The following PLXNA4 variants were observed in gnomAD, a reference collection of about 807,000 sequenced individuals.
PLXNA4 encodes plexin A4, also known as plexin-A4.
A neutral mutation model predicts 191.8 loss-of-function variants in PLXNA4; 44 were observed. The ratio of observed to expected loss-of-function variants is 0.23; its 90% CI spans 0.18 to 0.29. The LOEUF is 0.29. Among genes scored for constraint, PLXNA4 ranks in the 10% least tolerant of loss-of-function variants. PLXNA4 has a pLI of 1.00. For synonymous variants in PLXNA4, 1,082 were observed against 1,009.5 expected, an observed-to-expected ratio of 1.07 and a Z score of -1.36; for missense variants, 1,800 against 2,488.8, an observed-to-expected ratio of 0.72 and a Z score of 5.89.
chr7:132,285,650 C>T (rs1254164210), intron 4 of PLXNA4, among the ~76,000 whole-genome samples: 1 of 152,210 alleles, frequency 6.6e-6, no homozygotes, highest in East Asian at 1.9e-4. Flanking sequence ...TTAATGCTAA[C>T]TAGTCATCGT....
chr7:132,360,575 A>T (rs1803893881), intron 3 of PLXNA4, among the ~76,000 whole-genome samples: 1 of 152,206 alleles, frequency 6.6e-6, no homozygotes, highest in South Asian at 2.1e-4. Context: ...TACTCATGAC[A>T]GGTCTTGCAG....
At chr7:132,518,029 T>C (rs1352646192) in intron 1 of PLXNA4, among the ~76,000 whole-genome samples, 1 of 152,196 alleles carries the variant, frequency 6.6e-6, no homozygotes, top group Non-Finnish European at 1.5e-5. Context: ...TTTCTAGAAG[T>C]GGGAGCCATG....
chr7:132,510,204 C>T (rs1160495025), intron 1 of PLXNA4, among the ~76,000 whole-genome samples: 4 of 152,132 alleles, frequency 2.6e-5, no homozygotes, highest in African/African-American at 9.7e-5. Context: ...TCATTCACCC[C>T]CAAACACCTC....
intron 2 of PLXNA4, among the ~76,000 whole-genome samples, chr7:132,617,722 G>A (rs1330375295): frequency 6.6e-6 from 1 of 152,046 alleles, no homozygotes; most frequent in Non-Finnish European, 1.5e-5. Context: ...TTACACTGTG[G>A]GATCCCAAGT....
At chr7:132,275,607 G>GT (rs1800245373) in intron 4 of PLXNA4, among the ~76,000 whole-genome samples, 3 of 152,156 alleles carry the variant, frequency 2.0e-5, no homozygotes, top group Admixed American at 1.3e-4. Flanking sequence ...TACTGTTGCT[G>GT]TTTTATCACA....
intron 9 of PLXNA4, among the ~76,000 whole-genome samples, chr7:132,219,473 T>C (rs1208431690): frequency 6.6e-6 from 1 of 152,204 alleles, no homozygotes. Context: ...TCCATAGATC[T>C]TCTTCACCTT....
chr7:132,124,397 C>T lies in PLXNA4; in HGVS notation c.*6082G>A, dbSNP rs2116461182. The T allele has an allele frequency of 6.6e-6, 1 of 152,316 alleles. No individual in the cohort carries two copies. The highest frequency in any genetic ancestry group is 2.1e-4 in the South Asian group (1 of 4,814). 9.4% of individuals were successfully genotyped at this position (152,316 alleles called of 1,614,324 possible). A position where few individuals can be genotyped will look rare whatever the true frequency, so the allele number is the denominator to read the frequency against. On this transcript the variant is annotated 3_prime_UTR_variant, in exon 32 of 32. Coordinates refer to ENST00000321063, the MANE Select transcript of PLXNA4 (RefSeq NM_020911.2). ...CTGTGCACGAAAGTGTTCCTTAGTC[C>T]TGTTTGGTGAAGTGGTCTCGGTTTC... is the stretch of plus-strand genomic sequence containing the variant.
Position 132,146,594 on chromosome 7 carries a change from G to A in PLXNA4, c.4971C>T (p.Asn1657=), listed in dbSNP as rs1795441236. 2 of 1,614,158 alleles carry A rather than the reference G, an allele frequency of 1.2e-6. No homozygotes were observed. Among genetic ancestry groups the A allele is most frequent in the South Asian group, 1.1e-5 (1 of 91,080 alleles). ...CCTCCTTCTGGTCTCCGTGCTCGTGGTTCTTCACTAGGTGCCACATCTTGA... is the reference window on the plus strand; with the variant it reads ...CCTCCTTCTGGTCTCCGTGCTCGTGATTCTTCACTAGGTGCCACATCTTGA... ...SGVKMWHLVK[N]HEHGDQKEGD... Residue 1657 remains asparagine, a synonymous_variant, in exon 28 of 32, where the codon AAC becomes AAT. Transcript: ENST00000321063.
chr7:132,468,522 A>G (rs1208582474), intron 3 of PLXNA4, among the ~76,000 whole-genome samples: 1 of 152,232 alleles, frequency 6.6e-6, no homozygotes, highest in Admixed American at 6.5e-5. Context: ...AAAAACTAGA[A>G]CAGGCAGTCG....
chr7:132,604,624 G>T (rs1008340704), intron 2 of PLXNA4, among the ~76,000 whole-genome samples: 1 of 152,022 alleles, frequency 6.6e-6, no homozygotes, highest in Non-Finnish European at 1.5e-5. Context: ...AGGTTCTCCT[G>T]CCCCACCCCA....
At chr7:132,562,282 T>G (rs868539910) in intron 1 of PLXNA4, among the ~76,000 whole-genome samples, 9 of 128,478 alleles carry the variant, frequency 7.0e-5, no homozygotes, top group Admixed American at 1.5e-4. Context: ...CTCCTTCTCC[T>G]CCTCCTCCTT....
At chr7:132,611,920 T>C (rs957139806) in intron 2 of PLXNA4, among the ~76,000 whole-genome samples, 1 of 152,030 alleles carries the variant, frequency 6.6e-6, no homozygotes, top group Non-Finnish European at 1.5e-5. Flanking sequence ...AGGGGCTCCA[T>C]GAAATCACTG....
chr7:132,257,259 T>C (rs1399249791), intron 4 of PLXNA4, among the ~76,000 whole-genome samples: 1 of 152,214 alleles, frequency 6.6e-6, no homozygotes, highest in African/African-American at 2.4e-5. Flanking sequence ...CCAAACATCA[T>C]GGACAATGAT....
chr7:132,562,398 G>A (rs1226426678), intron 1 of PLXNA4, among the ~76,000 whole-genome samples: 1 of 61,758 alleles, frequency 1.6e-5, no homozygotes, highest in Non-Finnish European at 2.9e-5. Flanking sequence ...TCCTTCTGCT[G>A]CTCCTCCTCC....
chr7:132,464,283 GA>G lies in PLXNA4; in HGVS notation c.1371+25008del, dbSNP rs1796620426. On this transcript the variant is annotated intron_variant, in intron 3 of 31. Coordinates refer to ENST00000321063, the MANE Select transcript of PLXNA4 (RefSeq NM_020911.2). ...GGGAGATTCAGGAGGGAGCTGCAGA[GA>G]ACCTGCTAGAAATTAAGAGTCTGCC... Among the ~76,000 whole-genome samples, 3 of 152,196 alleles carry G rather than the reference GA, an allele frequency of 2.0e-5. No homozygotes were observed. The South Asian group carries it at 6.2e-4, about 32-fold the overall frequency.
At chr7:132,647,722 TCA>T (rs914129508) in intron 1 of PLXNA4, among the ~76,000 whole-genome samples, 1 of 150,210 alleles carries the variant, frequency 6.7e-6, no homozygotes, top group Non-Finnish European at 1.5e-5. Context: ...CACAATATAC[TCA>T]CATACATTCA....
intron 1 of PLXNA4, among the ~76,000 whole-genome samples, chr7:132,534,004 T>G (rs1799731809): frequency 6.6e-6 from 1 of 152,060 alleles, no homozygotes; most frequent in African/African-American, 2.4e-5. Context: ...TCAAAGACAT[T>G]CCTTGGTGGC....
At chr7:132,619,104 G>A (rs1021657330) in intron 2 of PLXNA4, among the ~76,000 whole-genome samples, 1 of 152,332 alleles carries the variant, frequency 6.6e-6, no homozygotes, top group Non-Finnish European at 1.5e-5. Flanking sequence ...TGTCAGCGAA[G>A]TGTAAATCCC....
At chr7:132,332,060 A>T (rs188016063) in intron 3 of PLXNA4, among the ~76,000 whole-genome samples, 34 of 152,300 alleles carry the variant, frequency 2.2e-4, no homozygotes, top group Non-Finnish European at 1.0e-4. Context: ...CTCCCTTCAA[A>T]CACTCACATT....
Sources: gnomAD v4.1 joint callset for allele counts (sites outside exome capture counted in the v4.1 genomes callset) on GRCh38, gnomAD v4.1.1 for gene constraint, MANE v1.5 for transcripts, NCBI Gene and HGNC (gene_info 2026-07-23, HGNC 2026-07-21) for gene names.